The following PPP1R12A variants were observed in gnomAD, a reference collection of about 807,000 sequenced individuals.
PPP1R12A encodes myosin binding subunit.
PPP1R12A carries 19 observed loss-of-function variants against 139.6 expected under a neutral mutation model. The ratio of observed to expected loss-of-function variants is 0.14; its 90% CI spans 0.09 to 0.20. The LOEUF (loss-of-function observed/expected upper bound fraction) is 0.20, where lower values mean the gene tolerates loss of function less well. Ranked by LOEUF, PPP1R12A falls within the 10% of genes least tolerant of loss-of-function variation. PPP1R12A has a pLI of 1.00. For missense variants in PPP1R12A, 925 were observed against 1,211.5 expected, an observed-to-expected ratio of 0.76 and a Z score of 3.51; for synonymous variants, 427 against 420.6, an observed-to-expected ratio of 1.02 and a Z score of -0.19.
intron 11 of PPP1R12A, 102 bp from the exon 12 acceptor site, chr12:79,807,432 C>A: frequency 4.3e-6 from 3 of 699,748 alleles, no homozygotes; most frequent in Non-Finnish European, 7.2e-6. Context: ...CTAGTAAAAA[C>A]CTTTGGGAGG....
Position 79,846,043 on chromosome 12 carries a change from G to A in PPP1R12A, c.369-623C>T, listed in dbSNP as rs181019176. ...AAGAGTTCTTAAGCTGGGGTTCATG[G>A]GTAAAATTCAGAAGGTTCATAAAAA... On this transcript the variant is annotated intron_variant, in intron 2 of 24. Transcript: ENST00000450142. 2.3e-3 allele frequency among the ~76,000 whole-genome samples: 347 copies of A among 151,860 alleles called. 1 individual carries two copies. The highest frequency in any genetic ancestry group is 7.7e-3 in the African/African-American group (319 of 41,456).
chr12:79,934,237 C>A (rs1045467943), intron 1 of PPP1R12A, among the ~76,000 whole-genome samples: 6 of 152,164 alleles, frequency 3.9e-5, no homozygotes, highest in African/African-American at 1.4e-4. Context: ...TGCAACAAAT[C>A]CAATGCCCAC....
In PPP1R12A at chr12:79,806,164, A is replaced by G. The variant is rs61756421; in HGVS notation, c.1823+2T>C. On this transcript the variant is annotated splice_donor_variant, in intron 13 of 24. Transcript: ENST00000450142. LOFTEE classifies it high-confidence loss of function. ...TGAGCACAAAATGTATCTGTGACTT[A>G]CCTGCTTTGTGTGCCTGCTGAGGAA... 246 of 1,613,546 alleles carry G rather than the reference A, an allele frequency of 1.5e-4. No individual in the cohort carries two copies. The highest frequency in any genetic ancestry group is 2.0e-4 in the Non-Finnish European group (241 of 1,179,660).
upstream of PPP1R12A, chr12:79,935,301 G>T (rs1592862388): frequency 1.9e-6 from 2 of 1,052,904 alleles, no homozygotes; most frequent in African/African-American, 1.7e-5. Context: ...GGTGGTGGCT[G>T]GGCCACCAGA....
chr12:79,777,705 A>C, intron 24 of PPP1R12A: 1 of 908,512 alleles, frequency 1.1e-6, no homozygotes. Flanking sequence ...AAAATGGAAA[A>C]GAGTATAATA....
chr12:79,906,616 T>A (rs1382657192), intron 1 of PPP1R12A, among the ~76,000 whole-genome samples: 1 of 151,994 alleles, frequency 6.6e-6, no homozygotes, highest in Non-Finnish European at 1.5e-5. Context: ...TATGTATGTA[T>A]GTATGTATTT....
intron 1 of PPP1R12A, among the ~76,000 whole-genome samples, chr12:79,892,930 C>T (rs1186906614): frequency 1.3e-5 from 2 of 151,878 alleles, no homozygotes; most frequent in African/African-American, 2.4e-5. Context: ...ATGGTGAAAC[C>T]CCGTCTCTAC....
Position 79,797,241 on chromosome 12 carries a change from G to C in PPP1R12A, c.2246C>G (p.Ser749Cys). 6.3e-7 allele frequency: 1 copy of C among 1,589,358 alleles called. No individual in the cohort carries two copies. The highest frequency in any genetic ancestry group is 8.6e-7 in the Non-Finnish European group (1 of 1,167,058). Residue 749 changes from serine to cysteine, a missense_variant, in exon 16 of 25, where the codon TCT (serine) becomes TGT (cysteine). Around this residue, in one of 4 missense-constraint regions of PPP1R12A, gnomAD observed 315 missense variants for 363.4 expected, o/e 0.87. Transcript: ENST00000450142. ...KQEEKKESETSREDEYKQKYS... is the reference protein window; with the variant it reads ...KQEEKKESETCREDEYKQKYS... ...CTTTTGTTTATATTCATCTTCTCTA[G>C]ATGTTTCTGACTCCTTCTTTTCTTC...
chr12:79,816,715 C>G (rs925421268), intron 9 of PPP1R12A, among the ~76,000 whole-genome samples: 1 of 152,158 alleles, frequency 6.6e-6, no homozygotes, highest in African/African-American at 2.4e-5. Flanking sequence ...AAAACACACT[C>G]AGTTTACTGG....
chr12:79,791,543 G>T (rs1871859869), intron 19 of PPP1R12A, among the ~76,000 whole-genome samples: 1 of 152,076 alleles, frequency 6.6e-6, no homozygotes, highest in Admixed American at 6.6e-5. Flanking sequence ...GCCCAGGTTG[G>T]TCTTGAACTC....
In PPP1R12A at chr12:79,809,811, A is replaced by G. The variant is rs1384818837; in HGVS notation, c.1439T>C (p.Leu480Ser). Reference sequence around the variant, plus strand: ...ATAGATTACCTTTTCTTTATTATCCAAAGAGGAGGAAAGTCTGGGACTTGA... The same window carrying G: ...ATAGATTACCTTTTCTTTATTATCCGAAGAGGAGGAAAGTCTGGGACTTGA... ...SASSPRLSSS[L>S]DNKEKEKDSK... The change falls in exon 10 of 25, where the codon TTG becomes TCG. Residue 480 changes from leucine (L) to serine (S), a missense_variant. By Grantham distance (145) the Leu-to-Ser change is moderately radical. This residue lies in a region of PPP1R12A where 403 missense variants were observed against 463.7 expected (regional missense o/e 0.87). Coordinates refer to ENST00000450142, the MANE Select transcript of PPP1R12A (RefSeq NM_002480.3). The G allele has an allele frequency of 3.1e-6, 5 of 1,612,154 alleles. No homozygotes were observed. In the South Asian group the frequency reaches 4.4e-5, roughly 14 times the overall value.
chr12:79,911,734 C>A (rs767448199), intron 1 of PPP1R12A, among the ~76,000 whole-genome samples: 19 of 151,458 alleles, frequency 1.3e-4, no homozygotes, highest in Non-Finnish European at 2.2e-4. Flanking sequence ...CACCAGCTTT[C>A]GACTGAAAAG....
chr12:79,797,023 C>A (rs1592627524), intron 16 of PPP1R12A, 73 bp from the exon 17 acceptor site: 2 of 1,475,938 alleles, frequency 1.4e-6, no homozygotes, highest in South Asian at 1.3e-5. Flanking sequence ...CTTAAAAATT[C>A]ATTTCAAAGA....
At chr12:79,779,069 T>A (rs1254420695) in intron 23 of PPP1R12A, 2 of 315,056 alleles carry the variant, frequency 6.3e-6, no homozygotes, top group Non-Finnish European at 1.3e-5. Flanking sequence ...GTACTAGCCA[T>A]TATTTATCCA....
At chr12:79,833,535 G>A (rs1366910878) in intron 3 of PPP1R12A, among the ~76,000 whole-genome samples, 2 of 151,814 alleles carry the variant, frequency 1.3e-5, no homozygotes, top group Non-Finnish European at 2.9e-5. Context: ...AAAGCAAAGG[G>A]AGATCAGAGC....
At chr12:79,777,409 G>C in intron 24 of PPP1R12A, 1 of 984,648 alleles carries the variant, frequency 1.0e-6, no homozygotes, top group Non-Finnish European at 1.2e-6. Flanking sequence ...TATATGATAT[G>C]CTCCAGACAC....
At chr12:79,842,097 A>G (rs1350267628) in intron 3 of PPP1R12A, among the ~76,000 whole-genome samples, 2 of 152,086 alleles carry the variant, frequency 1.3e-5, no homozygotes, top group African/African-American at 4.8e-5. Flanking sequence ...AGATAGGTGG[A>G]CTGCTTGAGT....
chr12:79,874,546 T>C lies in PPP1R12A; in HGVS notation c.238-1608A>G, dbSNP rs537374064. Reference sequence around the variant, plus strand: ...TCATTGTTATTTTTAAATGAATTAATTGTATTTTAAATCCCTGGTTTTAAA... The same window carrying C: ...TCATTGTTATTTTTAAATGAATTAACTGTATTTTAAATCCCTGGTTTTAAA... On this transcript the variant is annotated intron_variant, in intron 1 of 24. Coordinates refer to ENST00000450142, the MANE Select transcript of PPP1R12A (RefSeq NM_002480.3). 1.9e-4 allele frequency among the ~76,000 whole-genome samples: 29 copies of C among 152,188 alleles called. 1 individual carries two copies. In the South Asian group the frequency reaches 6.0e-3, roughly 32 times the overall value.
At chr12:79,920,854 T>C (rs945471416) in intron 1 of PPP1R12A, among the ~76,000 whole-genome samples, 2 of 152,192 alleles carry the variant, frequency 1.3e-5, no homozygotes, top group African/African-American at 4.8e-5. Flanking sequence ...CCGCCATAGC[T>C]GTAATAAGTA....
Sources: gnomAD v4.1 joint callset for allele counts (sites outside exome capture counted in the v4.1 genomes callset) on GRCh38, gnomAD v4.1.1 for gene constraint, gnomAD v4.1.1 regional missense constraint, MANE v1.5 for transcripts, NCBI Gene and HGNC (gene_info 2026-07-23, HGNC 2026-07-21) for gene names.